Variants in ERBIN observed in about 807,000 individuals in gnomAD.
ERBIN encodes erbb2 interacting protein, also known as densin-180-like protein.
In ERBIN, 60 loss-of-function variants were observed where a neutral mutation model predicts 158.4. That is an observed-to-expected ratio of 0.38 (90% CI 0.31 to 0.47). The LOEUF is 0.47. Ranked by LOEUF, ERBIN falls within the 20% of genes least tolerant of loss-of-function variation. ERBIN has a pLI of 0.99. For missense variants in ERBIN, 1,610 were observed against 1,648.0 expected (o/e 0.98, Z 0.40); for synonymous variants, 594 against 557.2 (o/e 1.07, Z -0.93).
intron 12 of ERBIN, 68 bp downstream of exon 12, chr5:66,026,045 A>G: frequency 7.8e-7 from 1 of 1,279,566 alleles, no homozygotes; most frequent in Non-Finnish European, 1.1e-6. Flanking sequence ...CATTATAGCT[A>G]TTTAGTGTGG....
chr5:65,984,173 C>G (rs1340675028), intron 1 of ERBIN, among the ~76,000 whole-genome samples: 1 of 143,390 alleles, frequency 7.0e-6, no homozygotes, highest in Non-Finnish European at 1.5e-5. Context: ...TCTTCGGGCC[C>G]CCTCAGTGAG....
intron 1 of ERBIN, among the ~76,000 whole-genome samples, chr5:65,958,051 C>A (rs1747436140): frequency 6.6e-6 from 1 of 150,920 alleles, no homozygotes; most frequent in Non-Finnish European, 1.5e-5. Context: ...CTCCCCACAT[C>A]TCAGACGATG....
chr5:65,997,337 CT>C (rs1373938098), intron 4 of ERBIN, among the ~76,000 whole-genome samples: 6 of 152,040 alleles, frequency 3.9e-5, no homozygotes, highest in African/African-American at 1.4e-4. Context: ...TTGTCAAATG[CT>C]TTTTCTGCAT....
At chr5:65,933,339 CCTT>C (rs1246457210) in intron 1 of ERBIN, among the ~76,000 whole-genome samples, 10 of 152,140 alleles carry the variant, frequency 6.6e-5, no homozygotes, top group Admixed American at 5.2e-4. Flanking sequence ...CCCAATGAAT[CCTT>C]CTTCTGGCTT....
At chr5:65,993,193 T>G (rs1454285603) in intron 3 of ERBIN, among the ~76,000 whole-genome samples, 2 of 152,228 alleles carry the variant, frequency 1.3e-5, no homozygotes, top group Admixed American at 1.3e-4. Flanking sequence ...AAATAATTTC[T>G]GGAGTCAGTA....
chr5:65,932,382 G>A (rs1171202897), intron 1 of ERBIN, among the ~76,000 whole-genome samples: 1 of 151,964 alleles, frequency 6.6e-6, no homozygotes, highest in African/African-American at 2.4e-5. Context: ...ATATGTAGTG[G>A]TACTATTGCA....
chr5:66,032,820 A>G (rs527933592), intron 14 of ERBIN, among the ~76,000 whole-genome samples: 1 of 152,386 alleles, frequency 6.6e-6, no homozygotes, highest in Admixed American at 6.5e-5. Flanking sequence ...TCAATAGAGC[A>G]TGAAGCAATG....
chr5:66,058,494 A>G lies in ERBIN; in HGVS notation c.3633+3543A>G, dbSNP rs1299479775. 6.6e-5 allele frequency among the ~76,000 whole-genome samples: 10 copies of G among 150,962 alleles called. No homozygotes were observed. In the East Asian group the frequency reaches 1.6e-3, roughly 23 times the overall value. On this transcript the variant is annotated intron_variant, in intron 21 of 25. Coordinates refer to ENST00000284037, the MANE Select transcript of ERBIN (RefSeq NM_001253697.2). ...CTCCCGTTCTGTAGGTTGCCTGTTC[A>G]CTCTGATGGTGGTTTCTTTTGCTGT...
intron 4 of ERBIN, among the ~76,000 whole-genome samples, chr5:66,003,449 G>A (rs1442328623): frequency 6.6e-6 from 1 of 152,144 alleles, no homozygotes; most frequent in African/African-American, 2.4e-5. Flanking sequence ...GTCAAGAAGT[G>A]GGGTAATTCT....
chr5:65,981,301 TA>T (rs1750629681), intron 1 of ERBIN, among the ~76,000 whole-genome samples: 2 of 152,204 alleles, frequency 1.3e-5, no homozygotes, highest in African/African-American at 4.8e-5. Context: ...AGTACTCAGA[TA>T]ATTTATATCT....
chr5:66,062,708 A>T (rs899557921), intron 21 of ERBIN, among the ~76,000 whole-genome samples: 1 of 151,972 alleles, frequency 6.6e-6, no homozygotes, highest in African/African-American at 2.4e-5. Flanking sequence ...TGATGTACAG[A>T]TGGGTTTTTG....
chr5:66,018,064 T>A (rs1754984444), intron 7 of ERBIN, among the ~76,000 whole-genome samples: 1 of 152,112 alleles, frequency 6.6e-6, no homozygotes. Context: ...CCATGCTGTT[T>A]TGATTACTAT....
intron 21 of ERBIN, among the ~76,000 whole-genome samples, chr5:66,059,799 G>A (rs1257933592): frequency 6.6e-6 from 1 of 152,196 alleles, no homozygotes; most frequent in Non-Finnish European, 1.5e-5. Context: ...AGATAATGAT[G>A]TGGTTTTTGT....
intron 1 of ERBIN, among the ~76,000 whole-genome samples, chr5:65,965,732 G>A (rs137991804): frequency 7.1e-4 from 108 of 152,190 alleles, no homozygotes; most frequent in African/African-American, 2.3e-3. Context: ...GATTTCTCTC[G>A]TTCACTCTGT....
chr5:65,985,478 A>AT (rs940999159), intron 1 of ERBIN, among the ~76,000 whole-genome samples: 9 of 152,204 alleles, frequency 5.9e-5, no homozygotes, highest in African/African-American at 2.2e-4. Context: ...TAGTATCTGT[A>AT]TTTTTCAAAA....
chr5:66,015,324 T>A (rs2151113123), intron 7 of ERBIN, among the ~76,000 whole-genome samples: 1 of 152,332 alleles, frequency 6.6e-6, no homozygotes, highest in East Asian at 1.9e-4. Flanking sequence ...GCTATAGTGT[T>A]ACATTTTAAG....
At chr5:66,057,621 T>C (rs1260004804) in intron 21 of ERBIN, among the ~76,000 whole-genome samples, 1 of 152,048 alleles carries the variant, frequency 6.6e-6, no homozygotes, top group Admixed American at 6.5e-5. Context: ...TTCATATGTA[T>C]ACATGTGCCA....
Position 66,080,353 on chromosome 5 carries a change from T to G in ERBIN, c.*1823T>G, listed in dbSNP as rs770501489. The G allele has an allele frequency of 6.6e-6, 1 of 152,556 alleles. No individual in the cohort carries two copies. The highest frequency in any genetic ancestry group is 2.4e-5 in the African/African-American group (1 of 41,458). 9.5% of individuals were successfully genotyped at this position (152,556 alleles called of 1,614,324 possible). ...TGATTGAAACCCTTTAACAACTCTT[T>G]GTAAATTTTAACTCATTTTAGTTGA... On this transcript the variant is annotated 3_prime_UTR_variant, in exon 26 of 26. Transcript: ENST00000284037.
At chr5:65,964,908 TTGTGTGTGTGTGTGTG>T (rs70987104) in intron 1 of ERBIN, among the ~76,000 whole-genome samples, 16 of 107,256 alleles carry the variant, frequency 1.5e-4, no homozygotes, top group South Asian at 1.3e-3. Context: ...CCTGGCTGAT[TTGTGTGTGTGTGTGTG>T]TGTGTGTGTG....
Sources: gnomAD v4.1 joint callset for allele counts (sites outside exome capture counted in the v4.1 genomes callset) on GRCh38, gnomAD v4.1.1 for gene constraint, MANE v1.5 for transcripts, NCBI Gene and HGNC (gene_info 2026-07-23, HGNC 2026-07-21) for gene names.